The following RUNX1 variants were observed in gnomAD, a reference collection of about 807,000 sequenced individuals.
RUNX1 encodes RUNX family transcription factor 1.
In RUNX1, 19 loss-of-function variants were observed where a neutral mutation model predicts 42.8. The ratio of observed to expected loss-of-function variants is 0.44; its 90% confidence interval spans 0.31 to 0.65. The LOEUF (loss-of-function observed/expected upper bound fraction) is 0.65, where lower values mean the gene tolerates loss of function less well. RUNX1 is among the 30% of genes least tolerant of loss of function. The pLI, the probability that RUNX1 is intolerant of heterozygous loss-of-function variation, is 0.07. For synonymous variants in RUNX1, 271 were observed against 289.4 expected (o/e 0.94, Z 0.64); for missense variants, 528 against 672.0 (o/e 0.79, Z 2.37).
intron 2 of RUNX1, among the ~76,000 whole-genome samples, chr21:34,959,105 A>G (rs1484364294): frequency 6.6e-6 from 1 of 151,868 alleles, no homozygotes. Context: ...ATGCTAAATG[A>G]CGAGTTAATG....
chr21:34,919,350 A>C (rs1386893962), intron 2 of RUNX1, among the ~76,000 whole-genome samples: 1 of 152,220 alleles, frequency 6.6e-6, no homozygotes. Context: ...GAACCAAGAC[A>C]ACTACACTCA....
At chr21:34,964,915 T>G (rs1307222619) in intron 2 of RUNX1, among the ~76,000 whole-genome samples, 1 of 152,100 alleles carries the variant, frequency 6.6e-6, no homozygotes, top group Admixed American at 6.6e-5. Flanking sequence ...CTCACACGCA[T>G]GCACACTTAT....
intron 2 of RUNX1, among the ~76,000 whole-genome samples, chr21:34,905,113 C>A (rs146916180): frequency 2.0e-5 from 3 of 152,256 alleles, no homozygotes; most frequent in Non-Finnish European, 4.4e-5. Flanking sequence ...GCCCAGACAC[C>A]GTGCACAGTG....
intron 3 of RUNX1, chr21:34,888,741 G>A (rs2058035730): frequency 6.1e-6 from 6 of 990,616 alleles, no homozygotes; most frequent in Non-Finnish European, 7.3e-6. Context: ...CCGGCCGGAG[G>A]AATTCCATTC....
At chr21:34,944,724 A>G (rs1228890531) in intron 2 of RUNX1, among the ~76,000 whole-genome samples, 1 of 152,208 alleles carries the variant, frequency 6.6e-6, no homozygotes, top group African/African-American at 2.4e-5. Context: ...TGGCTAGAGA[A>G]TATACTAACC....
chr21:34,948,472 T>C (rs538576073), intron 2 of RUNX1, among the ~76,000 whole-genome samples: 1 of 152,180 alleles, frequency 6.6e-6, no homozygotes, highest in Non-Finnish European at 1.5e-5. Context: ...TCAGAAGAGG[T>C]CCAAGGTGCT....
chr21:35,039,028 G>T (rs1415062198), intron 2 of RUNX1, among the ~76,000 whole-genome samples: 1 of 152,136 alleles, frequency 6.6e-6, no homozygotes, highest in Non-Finnish European at 1.5e-5. Context: ...TGACAGCAGG[G>T]GCCGGTTACT....
chr21:34,802,569 G>A (rs919190351), intron 7 of RUNX1, among the ~76,000 whole-genome samples: 12 of 152,214 alleles, frequency 7.9e-5, no homozygotes, highest in African/African-American at 2.7e-4. Flanking sequence ...CTGTTTTGGG[G>A]ACTCACTAGT....
chr21:35,006,414 C>A (rs1376000803), intron 2 of RUNX1, among the ~76,000 whole-genome samples: 1 of 152,212 alleles, frequency 6.6e-6, no homozygotes, highest in African/African-American at 2.4e-5. Flanking sequence ...CTCCCCCTCT[C>A]TCTCTTTCAA....
intron 2 of RUNX1, among the ~76,000 whole-genome samples, chr21:34,944,754 C>T (rs2058552466): frequency 6.6e-6 from 1 of 152,012 alleles, no homozygotes; most frequent in Non-Finnish European, 1.5e-5. Flanking sequence ...ATGTTGTGGC[C>T]ATTAATAGGA....
chr21:34,874,952 T>C lies in RUNX1; in HGVS notation c.508+5605A>G, dbSNP rs1208472952. Among the ~76,000 whole-genome samples, 3 of 152,252 alleles carry C rather than the reference T, an allele frequency of 2.0e-5. No homozygotes were observed. In the East Asian group the frequency reaches 5.8e-4, roughly 29 times the overall value. On this transcript the variant is annotated intron_variant, in intron 5 of 8. Transcript: ENST00000675419. ...TCTGTCCCGACCAAAAAGAAATGCC[T>C]CCACCAAACACAAGCCGGCTGGCAA...
chr21:34,807,203 C>G (rs544990791), intron 7 of RUNX1, among the ~76,000 whole-genome samples: 1 of 152,260 alleles, frequency 6.6e-6, no homozygotes, highest in Non-Finnish European at 1.5e-5. Context: ...AAACATCCCT[C>G]TTTGTCCTCG....
Position 34,982,780 on chromosome 21 carries a change from GGC to G in RUNX1, c.58+66060_58+66061del, listed in dbSNP as rs2058857385. ...AGACGGGGTTTCACCATGTTGGTCA[GGC>G]TGGTCTTGACCTCCTGACCTTGGGA... On this transcript the variant is annotated intron_variant, in intron 2 of 8. Transcript: ENST00000675419. 2.0e-5 allele frequency among the ~76,000 whole-genome samples: 3 copies of G among 152,268 alleles called. No homozygotes were observed. In the South Asian group the frequency reaches 6.2e-4, roughly 32 times the overall value.
rs529761547 is a variant in RUNX1 at position 35,010,909 on chromosome 21, T to C, written c.58+37933A>G. 2.0e-5 allele frequency among the ~76,000 whole-genome samples: 3 copies of C among 152,366 alleles called. No homozygotes were observed. In the East Asian group the frequency reaches 5.8e-4, roughly 29 times the overall value. ...AAATCGGATTCATCAAATGCATCTT[T>C]AGCCAACAACTGTTCGAGAATGATG... On this transcript the variant is annotated intron_variant, in intron 2 of 8. Coordinates refer to ENST00000675419, the MANE Select transcript of RUNX1 (RefSeq NM_001754.5).
At position 34,792,654 on chromosome 21, in the gene RUNX1, T is replaced by A. The variant is rs760718072; in HGVS notation, c.968-44A>T. 6 of 1,515,052 alleles carry A rather than the reference T, an allele frequency of 4.0e-6. No homozygotes were observed. In the East Asian group the frequency reaches 1.5e-4, roughly 37 times the overall value. The allele number at this position is 1,515,052 out of a possible 1,614,324, so 93.9% of individuals were successfully genotyped here. A position where few individuals can be genotyped will look rare whatever the true frequency, so the allele number is the denominator to read the frequency against. On this transcript the variant is annotated intron_variant, in intron 8 of 8. Transcript: ENST00000675419. This position sits in a 1 kb window ranked among gnomAD's most constrained non-coding sequence, Gnocchi z 6.9. ...AACGGAGCGGAAGTGAGTAGGAGGT[T>A]GCGGAGGCCACAGCTCTTCCCTCTG...
At chr21:34,995,779 C>G (rs561365696) in intron 2 of RUNX1, among the ~76,000 whole-genome samples, 1 of 152,260 alleles carries the variant, frequency 6.6e-6, no homozygotes, top group Non-Finnish European at 1.5e-5. Flanking sequence ...TTAGATACTG[C>G]AGTTTACTCA....
intron 2 of RUNX1, among the ~76,000 whole-genome samples, chr21:34,959,903 A>G (rs1196412259): frequency 6.6e-6 from 1 of 152,282 alleles, no homozygotes; most frequent in South Asian, 2.1e-4. Context: ...TGGGCAACCT[A>G]GTAACAGGGT....
intron 3 of RUNX1, among the ~76,000 whole-genome samples, chr21:34,889,424 T>TCC (rs2058049427): frequency 6.6e-6 from 1 of 152,046 alleles, no homozygotes; most frequent in East Asian, 1.9e-4. Flanking sequence ...GCTCGATCCC[T>TCC]CCGCGCGTCT....
chr21:34,850,413 C>T (rs922681482), intron 6 of RUNX1, among the ~76,000 whole-genome samples: 8 of 152,136 alleles, frequency 5.3e-5, no homozygotes, highest in African/African-American at 1.7e-4. Context: ...AGCTTGGCTG[C>T]GGGGAGAGAT....
Sources: gnomAD v4.1 joint callset for allele counts (sites outside exome capture counted in the v4.1 genomes callset) on GRCh38, gnomAD v4.1.1 for gene constraint, Gnocchi (gnomAD v3.1) non-coding constraint, MANE v1.5 for transcripts, NCBI Gene and HGNC (gene_info 2026-07-23, HGNC 2026-07-21) for gene names.